The following LRCOL1 variants were observed in gnomAD, a reference collection of about 807,000 sequenced individuals.
The protein encoded by LRCOL1 is leucine rich colipase like 1, also known as leucine-rich colipase-like protein 1.
A neutral mutation model predicts 21.6 loss-of-function variants in LRCOL1; 21 were observed. The ratio of observed to expected loss-of-function variants is 0.97; its 90% confidence interval spans 0.69 to 1.40. The LOEUF is 1.40. Ranked by LOEUF, LRCOL1 falls within the 40% of genes most tolerant of loss-of-function variation. The pLI is 0.00. For missense variants in LRCOL1, 198 were observed against 202.3 expected, an observed-to-expected ratio of 0.98 and a Z score of 0.13; for synonymous variants, 98 against 90.1, an observed-to-expected ratio of 1.09 and a Z score of -0.49.
Position 132,604,596 on chromosome 12 carries a change from G to C in LRCOL1, c.232-12C>G. The C allele has an allele frequency of 1.3e-6, 2 of 1,530,938 alleles. No homozygotes were observed. The highest frequency in any genetic ancestry group is 1.2e-5 in the South Asian group (1 of 83,682). 94.8% of individuals were successfully genotyped at this position (1,530,938 alleles called of 1,614,324 possible). A position where few individuals can be genotyped will look rare whatever the true frequency, so the allele number is the denominator to read the frequency against. On this transcript the variant is annotated splice_polypyrimidine_tract_variant and intron_variant, in intron 3 of 5. Transcript: ENST00000376608. Reference sequence around the variant, plus strand: ...CTGTACCCATTGGGCTATGGGACAGGAGACGCGTCATCCCTGCACCCACCA... The same window carrying C: ...CTGTACCCATTGGGCTATGGGACAGCAGACGCGTCATCCCTGCACCCACCA...
At chr12:132,603,744 C>T (rs1050059242) in intron 5 of LRCOL1, 3 of 985,344 alleles carry the variant, frequency 3.0e-6, no homozygotes, top group Non-Finnish European at 3.6e-6. Flanking sequence ...CTTGCGCCCC[C>T]ACCGCGTTTG....
In LRCOL1 at chr12:132,606,232, G is replaced by GCA; in HGVS notation, c.19_20insTG (p.Thr7MetfsTer25). ...CAGCAGCAGCAGCAGTAGCAGCAGC[G>GCA]TCCACCCCGGGCCGGCCATCGGGTG... On this transcript the variant is annotated frameshift_variant, in exon 2 of 6. Coordinates refer to ENST00000376608, the MANE Select transcript of LRCOL1 (RefSeq NM_001195520.2). LOFTEE classifies it high-confidence loss of function. The surrounding 1 kb of genome is among the most constrained non-coding windows in gnomAD (Gnocchi z 4.6). The GCA allele has an allele frequency of 1.3e-6, 2 of 1,536,180 alleles. No homozygotes were observed. The highest frequency in any genetic ancestry group is 1.2e-5 in the South Asian group (1 of 84,040).
chr12:132,607,256 C>T (rs2041320997), intron 1 of LRCOL1, among the ~76,000 whole-genome samples: 1 of 152,206 alleles, frequency 6.6e-6, no homozygotes, highest in Non-Finnish European at 1.5e-5. Flanking sequence ...TTAGGAGGGT[C>T]TCTCTTTTCC....
chr12:132,605,756 C>A (rs1484392948), intron 2 of LRCOL1: 1 of 175,642 alleles, frequency 5.7e-6, no homozygotes, highest in Non-Finnish European at 1.2e-5. Flanking sequence ...TACACACACA[C>A]GCACACAATT....
At chr12:132,608,343 C>T (rs1402874953) in intron 1 of LRCOL1, among the ~76,000 whole-genome samples, 2 of 152,222 alleles carry the variant, frequency 1.3e-5, no homozygotes, top group Non-Finnish European at 2.9e-5. Flanking sequence ...CCCAGCACTC[C>T]CTCCTGTCTT....
intron 1 of LRCOL1, among the ~76,000 whole-genome samples, chr12:132,607,610 CCTGTCTCTCT>C (rs975967368): frequency 5.3e-5 from 8 of 151,120 alleles, no homozygotes; most frequent in South Asian, 4.2e-4. Context: ...TCTGTCTCTC[CCTGTCTCTCT>C]GTCTCTCCCT....
chr12:132,604,934 T>C, intron 2 of LRCOL1, 103 bp from the exon 3 acceptor site: 2 of 1,466,516 alleles, frequency 1.4e-6, no homozygotes, highest in Non-Finnish European at 1.8e-6. Context: ...TGTGTCACCA[T>C]CCTTCAAACT....
At chr12:132,609,174 C>T (rs539506400) in intron 1 of LRCOL1, among the ~76,000 whole-genome samples, 1 of 152,192 alleles carries the variant, frequency 6.6e-6, no homozygotes, top group Non-Finnish European at 1.5e-5. Flanking sequence ...GCTGAGGGAA[C>T]GAGCCCCTCT....
chr12:132,605,021 G>T, intron 2 of LRCOL1, 190 bp from the exon 3 acceptor site: 1 of 1,420,514 alleles, frequency 7.0e-7, no homozygotes, highest in East Asian at 2.6e-5. Flanking sequence ...GCCCGGGGCT[G>T]AGAAAGGGAA....
intron 1 of LRCOL1, among the ~76,000 whole-genome samples, chr12:132,608,088 C>T (rs897612013): frequency 3.3e-5 from 5 of 152,136 alleles, no homozygotes; most frequent in African/African-American, 1.2e-4. Flanking sequence ...CATGTTATCT[C>T]GCGTGCACTC....
rs767353978 is a variant in LRCOL1, at chr12:132,604,686, C to A, written c.231+20G>T. The A allele has an allele frequency of 2.0e-6, 3 of 1,531,358 alleles. No individual in the cohort carries two copies. The highest frequency in any genetic ancestry group is 2.4e-5 in the South Asian group (2 of 83,622). The allele number at this position is 1,531,358 out of a possible 1,614,324, so 94.9% of individuals were successfully genotyped here. On this transcript the variant is annotated intron_variant, in intron 3 of 5. Transcript: ENST00000376608. Reference sequence around the variant, plus strand: ...ACAGGCAGTCTCGCTCCTCCACCCCCGCCCCTGCACGCACCTCACCTTCCT... The same window carrying A: ...ACAGGCAGTCTCGCTCCTCCACCCCAGCCCCTGCACGCACCTCACCTTCCT...
In LRCOL1 at chr12:132,604,533, C is replaced by CGTA. The variant is rs1329827179; in HGVS notation, c.282_283insTAC (p.Cys94_Val95insTyr). The CGTA allele has an allele frequency of 6.5e-6, 10 of 1,536,014 alleles. No homozygotes were observed. Among genetic ancestry groups the CGTA allele is most frequent in the Non-Finnish European group, 8.7e-6 (10 of 1,146,882 alleles). The stretch of plus-strand genomic sequence containing the variant: ...AACTCCTGCGGGCTGTTGTTGCGGA[C>CGTA]GCAGCAGCTGCTCTGGCACTCTGAG... On this transcript the variant is annotated inframe_insertion, in exon 4 of 6. Transcript: ENST00000376608.
intron 1 of LRCOL1, among the ~76,000 whole-genome samples, chr12:132,607,174 C>T (rs1021232596): frequency 5.3e-5 from 8 of 152,204 alleles, no homozygotes; most frequent in African/African-American, 1.9e-4. Context: ...CCACAGCGAC[C>T]GGCCCAGTAC....
At position 132,603,868 on chromosome 12, in the gene LRCOL1, C is replaced by CGG. The variant is rs113755201; in HGVS notation, c.477+384_477+385dup. 6.0e-6 allele frequency: 7 copies of CGG among 1,173,058 alleles called. No individual in the cohort carries two copies. The African/African-American group carries it at 9.7e-5, about 16-fold the overall frequency. 72.7% of individuals were successfully genotyped at this position (1,173,058 alleles called of 1,614,324 possible). On this transcript the variant is annotated intron_variant, in intron 5 of 5. Coordinates refer to ENST00000376608, the MANE Select transcript of LRCOL1 (RefSeq NM_001195520.2). ...CGTCAGGAAAAGCCACAGCAGAGGT[C>CGG]GGGGGAGGGAGGGGAGAAGCCAGGA...
At chr12:132,610,129 G>C (rs1593655562) in intron 1 of LRCOL1, among the ~76,000 whole-genome samples, 194 bp downstream of exon 1, 1 of 152,316 alleles carries the variant, frequency 6.6e-6, no homozygotes, top group East Asian at 1.9e-4. Flanking sequence ...CCTGGCAGGT[G>C]GGGTCATCCC....
Position 132,606,688 on chromosome 12 carries a change from G to A in LRCOL1, c.-13-424C>T, listed in dbSNP as rs1324439084. Among the ~76,000 whole-genome samples, 5 of 152,060 alleles carry A rather than the reference G, an allele frequency of 3.3e-5. No homozygotes were observed. The highest frequency in any genetic ancestry group is 1.3e-4 in the Admixed American group (2 of 15,284). On this transcript the variant is annotated intron_variant, in intron 1 of 5. Coordinates refer to ENST00000376608, the MANE Select transcript of LRCOL1 (RefSeq NM_001195520.2). This position sits in a 1 kb window ranked among gnomAD's most constrained non-coding sequence, Gnocchi z 4.6. ...GATGCCCTAAACATCCCCGTGCCCCGTCTATTCGCTCCTCCCTCCCCAGCT... is the reference window on the plus strand; with the variant it reads ...GATGCCCTAAACATCCCCGTGCCCCATCTATTCGCTCCTCCCTCCCCAGCT...
chr12:132,604,075 C>T, intron 5 of LRCOL1, 179 bp downstream of exon 5: 1 of 1,421,984 alleles, frequency 7.0e-7, no homozygotes, highest in South Asian at 1.5e-5. Flanking sequence ...GGAGCCTTCT[C>T]TGCGGCCCCC....
At chr12:132,605,861 C>G in intron 2 of LRCOL1, 1 of 473,422 alleles carries the variant, frequency 2.1e-6, no homozygotes, top group Admixed American at 3.8e-5. Context: ...TCTCTCCTGC[C>G]TGGTTGACGG....
chr12:132,603,578 C>T (rs2041255421), intron 5 of LRCOL1, 174 bp from the exon 6 acceptor site: 2 of 984,974 alleles, frequency 2.0e-6, no homozygotes, highest in Non-Finnish European at 2.4e-6. Context: ...GCCCACGAGC[C>T]GCGCCAGGCG....
Sources: gnomAD v4.1 joint callset for allele counts (sites outside exome capture counted in the v4.1 genomes callset) on GRCh38, gnomAD v4.1.1 for gene constraint, Gnocchi (gnomAD v3.1) non-coding constraint, MANE v1.5 for transcripts, NCBI Gene and HGNC (gene_info 2026-07-23, HGNC 2026-07-21) for gene names.